Variants in RBBP6 observed in about 807,000 individuals in gnomAD.
The protein encoded by RBBP6 is RB binding protein 6, ubiquitin ligase, also known as E3 ubiquitin-protein ligase RBBP6.
Under a neutral mutation model 167.7 loss-of-function variants are expected in RBBP6, and 25 were observed. The ratio of observed to expected loss-of-function variants is 0.15; its 90% CI spans 0.11 to 0.21. The LOEUF (loss-of-function observed/expected upper bound fraction) is 0.21, where lower values mean the gene tolerates loss of function less well. Among genes scored for constraint, RBBP6 ranks in the 10% least tolerant of loss-of-function variants. The pLI is 1.00. For missense variants in RBBP6, 1,868 were observed against 2,134.2 expected (o/e 0.88, Z 2.46); for synonymous variants, 789 against 735.8 (o/e 1.07, Z -1.17).
intron 13 of RBBP6, 101 bp downstream of exon 13, chr16:24,563,765 A>AAACTAGATAATG: frequency 9.5e-7 from 1 of 1,049,620 alleles, no homozygotes; most frequent in Non-Finnish European, 1.4e-6. Context: ...CAAACTAGGC[A>AAACTAGATAATG]GCGGGTCGCT....
rs1432949479 is a variant in RBBP6 at position 24,570,481 on chromosome 16, C to T, written c.3791C>T (p.Thr1264Ile). Reference protein sequence around the residue: ...KVTGTEGSSSTLVDYTSTSST... With the variant: ...KVTGTEGSSSILVDYTSTSST... The stretch of plus-strand genomic sequence containing the variant: ...ACTGGAACTGAAGGATCCAGCTCAA[C>T]TCTGGTGGATTACACCAGGTAGCTG... Residue 1264 changes from threonine to isoleucine, a missense_variant, in exon 17 of 18, where the codon ACT (threonine) becomes ATT (isoleucine). Thr to Ile is a moderately conservative substitution (Grantham distance 89). Transcript: ENST00000319715. The T allele has an allele frequency of 6.3e-7, 1 of 1,585,780 alleles. No individual in the cohort carries two copies. Among genetic ancestry groups the T allele is most frequent in the Admixed American group, 1.9e-5 (1 of 52,660 alleles).
At position 24,561,886 on chromosome 16, in the gene RBBP6, T is replaced by A. The variant is rs1420392930; in HGVS notation, c.1014T>A (p.Pro338=). 6.2e-7 allele frequency: 1 copy of A among 1,613,994 alleles called. No homozygotes were observed. The highest frequency in any genetic ancestry group is 8.5e-7 in the Non-Finnish European group (1 of 1,179,932). ...AAAGACTACGAAAACAGTTACCTCCTCCACCACCCCCAATACCACCTCCGA... is the reference window on the plus strand; with the variant it reads ...AAAGACTACGAAAACAGTTACCTCCACCACCACCCCCAATACCACCTCCGA... ...YTKRLRKQLP[P]PPPPIPPPRP... is the part of the protein sequence containing the mutation. Residue 338 remains proline, a synonymous_variant, in exon 10 of 18, where the codon CCT becomes CCA. Coordinates refer to ENST00000319715, the MANE Select transcript of RBBP6 (RefSeq NM_006910.5).
In RBBP6 at chr16:24,572,336, T is replaced by C; in HGVS notation, c.5270T>C (p.Leu1757Ser). ...HKKHAGTEVE[L>S]EKSQKHKHKK... is the part of the protein sequence containing the mutation. ...AAACATGCAGGCACTGAAGTGGAAT[T>C]GGAAAAAAGCCAAAAACACAAACAC... The change falls in exon 18 of 18, where the codon TTG becomes TCG. Residue 1757 changes from leucine to serine, a missense_variant. Around this residue, in one of 7 missense-constraint regions of RBBP6, gnomAD observed 591 missense variants for 540.5 expected, o/e 1.09. Coordinates refer to ENST00000319715, the MANE Select transcript of RBBP6 (RefSeq NM_006910.5). 4 of 1,557,022 alleles carry C rather than the reference T, an allele frequency of 2.6e-6. No individual in the cohort carries two copies.
At chr16:24,558,565 C>G (rs979024592) in intron 7 of RBBP6, 38 of 836,748 alleles carry the variant, frequency 4.5e-5, no homozygotes, top group Admixed American at 6.2e-5. Flanking sequence ...GAGATTCTTT[C>G]ATTTTCAGCA....
Position 24,561,628 on chromosome 16 carries a change from C to T in RBBP6, c.864C>T (p.Leu288=), listed in dbSNP as rs1354601238. The change falls in exon 9 of 18, where the codon CTC becomes CTT. Residue 288 remains leucine (L), a synonymous_variant. Coordinates refer to ENST00000319715, the MANE Select transcript of RBBP6 (RefSeq NM_006910.5). The part of the protein sequence containing the change: ...SYCDECIRTA[L]LESDEHTCPT... ...TATACATAGGTATAAGAACAGCACTCCTGGAATCAGATGAGCACACATGTC... is the reference window on the plus strand; with the variant it reads ...TATACATAGGTATAAGAACAGCACTTCTGGAATCAGATGAGCACACATGTC... 2 of 1,613,738 alleles carry T rather than the reference C, an allele frequency of 1.2e-6. No homozygotes were observed. Among genetic ancestry groups the T allele is most frequent in the Non-Finnish European group, 1.7e-6 (2 of 1,179,828 alleles).
At chr16:24,541,617 A>AG (rs1898502330) in intron 1 of RBBP6, among the ~76,000 whole-genome samples, 2 of 152,212 alleles carry the variant, frequency 1.3e-5, no homozygotes, top group Non-Finnish European at 2.9e-5. Context: ...CACTGATAAG[A>AG]ATCGTTAGAT....
Position 24,572,288 on chromosome 16 carries a change from A to G in RBBP6, c.5222A>G (p.His1741Arg). The change falls in exon 18 of 18, where the codon CAT becomes CGT. Residue 1741 changes from histidine (H) to arginine (R), a missense_variant. Around this residue, in one of 7 missense-constraint regions of RBBP6, gnomAD observed 591 missense variants for 540.5 expected, o/e 1.09. Coordinates refer to ENST00000319715, the MANE Select transcript of RBBP6 (RefSeq NM_006910.5). Reference sequence around the variant, plus strand: ...AAGGAAAAGAAAAAACACAAGAAACATAAAAAGCATAAGAAGCATAAGAAA... The same window carrying G: ...AAGGAAAAGAAAAAACACAAGAAACGTAAAAAGCATAAGAAGCATAAGAAA... ...KKKEKKKHKK[H>R]KKHKKHKKHA... The G allele has an allele frequency of 6.3e-7, 1 of 1,598,806 alleles. No homozygotes were observed. The highest frequency in any genetic ancestry group is 8.5e-7 in the Non-Finnish European group (1 of 1,172,286).
rs374527269 is a variant in RBBP6 at position 24,571,059 on chromosome 16, A to G, written c.3993A>G (p.Glu1331=). The change falls in exon 18 of 18, where the codon GAA becomes GAG. Residue 1331 remains glutamate (E), a synonymous_variant. Coordinates refer to ENST00000319715, the MANE Select transcript of RBBP6 (RefSeq NM_006910.5). The part of the protein sequence containing the change: ...WDKDDFESEE[E]DVKSTQPISS... ...AAGATGACTTTGAATCTGAAGAAGA[A>G]GATGTTAAATCCACACAGCCTATAT... is the stretch of plus-strand genomic sequence containing the variant. 1 of 1,611,908 alleles carries G rather than the reference A, an allele frequency of 6.2e-7. No individual in the cohort carries two copies. The highest frequency in any genetic ancestry group is 2.2e-5 in the East Asian group (1 of 44,846).
At chr16:24,567,121 A>G (rs1340945587) in intron 14 of RBBP6, 22 bp from the exon 15 acceptor site, 2 of 1,597,430 alleles carry the variant, frequency 1.3e-6, no homozygotes, top group Non-Finnish European at 8.6e-7. Context: ...AAGAAGTAAT[A>G]TCTTGGAATT....
chr16:24,563,887 A>G (rs76254460), intron 13 of RBBP6, among the ~76,000 whole-genome samples: 2,073 of 152,098 alleles, frequency 0.014, 55 homozygotes, highest in African/African-American at 0.047. Context: ...CTAAAATACA[A>G]AATTTTAAAA....
intron 11 of RBBP6, 30 bp downstream of exon 11, chr16:24,563,325 T>C: frequency 1.2e-6 from 1 of 856,092 alleles, no homozygotes. Flanking sequence ...TAATTTGGGA[T>C]TTTTTTTACA....
intron 3 of RBBP6, among the ~76,000 whole-genome samples, chr16:24,550,934 C>A (rs186566786): frequency 6.6e-6 from 1 of 151,904 alleles, no homozygotes; most frequent in East Asian, 1.9e-4. Context: ...TGTACACATT[C>A]ACAAAAGCAA....
intron 10 of RBBP6, 26 bp downstream of exon 10, chr16:24,562,187 A>G (rs763646583): frequency 7.1e-6 from 11 of 1,551,300 alleles, no homozygotes; most frequent in Non-Finnish European, 4.4e-6. Flanking sequence ...TTTCACTGTT[A>G]GAAACCAAAT....
rs549615189 is a variant in RBBP6 at position 24,558,130 on chromosome 16, A to T, written c.675-1375A>T. On this transcript the variant is annotated intron_variant, in intron 7 of 17. Coordinates refer to ENST00000319715, the MANE Select transcript of RBBP6 (RefSeq NM_006910.5). The stretch of plus-strand genomic sequence containing the variant: ...AAGAGCAGACCGCTTCATCTATATT[A>T]TGTAAAATTTTTAAGTAAAAATTTG... Among the ~76,000 whole-genome samples, 12 of 152,310 alleles carry T rather than the reference A, an allele frequency of 7.9e-5. No individual in the cohort carries two copies. In the East Asian group the frequency reaches 2.3e-3, roughly 29 times the overall value.
chr16:24,558,984 A>G lies in RBBP6; in HGVS notation c.675-521A>G, dbSNP rs185386516. ...TTGAACTATCTTTCCTTAATTGTAT[A>G]ATGTCAGTACTAATTTTAATTTCCC... On this transcript the variant is annotated intron_variant, in intron 7 of 17. Coordinates refer to ENST00000319715, the MANE Select transcript of RBBP6 (RefSeq NM_006910.5). 3.8e-3 allele frequency among the ~76,000 whole-genome samples: 580 copies of G among 152,328 alleles called. 7 individuals are homozygous for G. Among genetic ancestry groups the G allele is most frequent in the Non-Finnish European group, 5.6e-3 (378 of 68,032 alleles).
intron 15 of RBBP6, 71 bp from the exon 16 acceptor site, chr16:24,567,721 A>G: frequency 7.3e-7 from 1 of 1,367,176 alleles, no homozygotes; most frequent in Non-Finnish European, 1.0e-6. Context: ...TTCATGATCT[A>G]ATTACATTTG....
chr16:24,561,829 A>G lies in RBBP6; in HGVS notation c.957A>G (p.Val319=), dbSNP rs543237294. 1 of 1,610,240 alleles carries G rather than the reference A, an allele frequency of 6.2e-7. No homozygotes were observed. Among genetic ancestry groups the G allele is most frequent in the Non-Finnish European group, 8.5e-7 (1 of 1,177,436 alleles). ...LIANKFLRQA[V]NNFKNETGYT... ...ATTATGCTTGGTATCTGTAGGCTGT[A>G]AATAACTTCAAAAATGAAACTGGCT... Residue 319 remains valine (V), a synonymous_variant, in exon 10 of 18, where the codon GTA becomes GTG. Transcript: ENST00000319715.
At position 24,561,724 on chromosome 16, in the gene RBBP6, C is replaced by T; in HGVS notation, c.951+9C>T. ...ATAAATTTTTACGACAGGTAACTGTCTGTATCCATTTTATGAAAAAATTCT... is the reference window on the plus strand; with the variant it reads ...ATAAATTTTTACGACAGGTAACTGTTTGTATCCATTTTATGAAAAAATTCT... On this transcript the variant is annotated intron_variant, in intron 9 of 17. Coordinates refer to ENST00000319715, the MANE Select transcript of RBBP6 (RefSeq NM_006910.5). 1.2e-6 allele frequency: 2 copies of T among 1,611,786 alleles called. No homozygotes were observed. The highest frequency in any genetic ancestry group is 1.7e-6 in the Non-Finnish European group (2 of 1,177,936).
chr16:24,553,234 A>G (rs1383404173), intron 3 of RBBP6: 3 of 325,674 alleles, frequency 9.2e-6, no homozygotes, highest in Non-Finnish European at 1.7e-5. Flanking sequence ...TGGGACTCCT[A>G]GTATTCAGTC....
Sources: gnomAD v4.1 joint callset for allele counts (sites outside exome capture counted in the v4.1 genomes callset) on GRCh38, gnomAD v4.1.1 for gene constraint, gnomAD v4.1.1 regional missense constraint, MANE v1.5 for transcripts, NCBI Gene and HGNC (gene_info 2026-07-23, HGNC 2026-07-21) for gene names.